Variants in CSMD1 observed in about 807,000 individuals in gnomAD.
CSMD1 encodes the protein CUB and Sushi multiple domains 1.
In CSMD1, 213 loss-of-function variants were observed where a neutral mutation model predicts 417.5. The observed-to-expected ratio is 0.51, with a 90% CI of 0.46 to 0.57. The LOEUF (loss-of-function observed/expected upper bound fraction) is 0.57, where lower values mean the gene tolerates loss of function less well. CSMD1 is among the 20% of genes least tolerant of loss of function. CSMD1 has a pLI of 0.00. For synonymous variants in CSMD1, 2,862 were observed against 1,736.8 expected, an observed-to-expected ratio of 1.65 and a Z score of -16.11; for missense variants, 6,923 against 4,529.7, an observed-to-expected ratio of 1.53 and a Z score of -15.17.
At chr8:4,367,157 C>A (rs1314587604) in intron 3 of CSMD1, among the ~76,000 whole-genome samples, 1 of 152,098 alleles carries the variant, frequency 6.6e-6, no homozygotes, top group East Asian at 1.9e-4. Flanking sequence ...AGGTTGTTTT[C>A]TATGATTTTA....
Position 3,119,017 on chromosome 8 carries a change from A to G in CSMD1, c.6242-430T>C, listed in dbSNP as rs10102221. On this transcript the variant is annotated intron_variant, in intron 41 of 69. Coordinates refer to ENST00000635120, the MANE Select transcript of CSMD1 (RefSeq NM_033225.6). ...AACACAGTAAAATCCTGTCTCTACT[A>G]AAAATACAAAAAGTTAGCCTGGCGT... Among the ~76,000 whole-genome samples, 1,026 of 152,216 alleles carry G rather than the reference A, an allele frequency of 6.7e-3. 14 individuals are homozygous for G. Among genetic ancestry groups the G allele is most frequent in the African/African-American group, 0.023 (966 of 41,544 alleles).
intron 54 of CSMD1, among the ~76,000 whole-genome samples, chr8:2,997,681 T>G (rs532500597): frequency 3.3e-5 from 5 of 152,204 alleles, no homozygotes; most frequent in African/African-American, 1.2e-4. Context: ...AAGACAGTCA[T>G]AAAATTAGAA....
At chr8:4,548,044 A>C (rs765212489) in intron 2 of CSMD1, among the ~76,000 whole-genome samples, 2 of 152,148 alleles carry the variant, frequency 1.3e-5, no homozygotes, top group Non-Finnish European at 2.9e-5. Flanking sequence ...GTTACAGCCA[A>C]CCCTTGCAAT....
chr8:4,576,979 A>T (rs958957611), intron 2 of CSMD1, among the ~76,000 whole-genome samples: 1 of 152,312 alleles, frequency 6.6e-6, no homozygotes, highest in Admixed American at 6.5e-5. Context: ...AATTCGATGA[A>T]CACAGTGTGA....
At chr8:3,303,017 G>C (rs2117352978) in intron 25 of CSMD1, among the ~76,000 whole-genome samples, 1 of 152,286 alleles carries the variant, frequency 6.6e-6, no homozygotes, top group South Asian at 2.1e-4. Flanking sequence ...ATAGGCATAG[G>C]GAAAAACTGT....
intron 5 of CSMD1, among the ~76,000 whole-genome samples, chr8:3,805,214 T>C (rs1344566415): frequency 6.6e-6 from 1 of 152,068 alleles, no homozygotes; most frequent in African/African-American, 2.4e-5. Context: ...AAGGAGTCAG[T>C]TTCCTGCGGG....
chr8:3,670,262 T>A (rs1048223978), intron 7 of CSMD1, among the ~76,000 whole-genome samples: 1 of 151,964 alleles, frequency 6.6e-6, no homozygotes, highest in Non-Finnish European at 1.5e-5. Flanking sequence ...AAGGTCAGAC[T>A]GGCCTAGCCT....
At chr8:3,741,886 T>C (rs963195879) in intron 6 of CSMD1, among the ~76,000 whole-genome samples, 2 of 152,160 alleles carry the variant, frequency 1.3e-5, no homozygotes, top group African/African-American at 4.8e-5. Flanking sequence ...TCCAATTCCT[T>C]ACCATGTGAG....
At chr8:3,554,596 C>T (rs1304308512) in intron 10 of CSMD1, among the ~76,000 whole-genome samples, 1 of 152,220 alleles carries the variant, frequency 6.6e-6, no homozygotes. Context: ...CAAGGCACAG[C>T]ATGGCCAGGC....
chr8:4,164,615 T>C (rs144651733), intron 3 of CSMD1, among the ~76,000 whole-genome samples: 44 of 152,316 alleles, frequency 2.9e-4, no homozygotes, highest in African/African-American at 9.1e-4. Context: ...AGGTACCTTA[T>C]TGGTTTACAT....
chr8:3,591,781 A>G (rs1450872567), intron 8 of CSMD1, among the ~76,000 whole-genome samples: 1 of 149,808 alleles, frequency 6.7e-6, no homozygotes, highest in Non-Finnish European at 1.5e-5. Context: ...AGATGGATGG[A>G]TGGATAGATG....
At chr8:3,652,349 C>T (rs1797899347) in intron 7 of CSMD1, among the ~76,000 whole-genome samples, 1 of 152,168 alleles carries the variant, frequency 6.6e-6, no homozygotes, top group Non-Finnish European at 1.5e-5. Flanking sequence ...GTGCTTACCA[C>T]CATCAGCATG....
chr8:4,203,533 T>C (rs376710555), intron 3 of CSMD1, among the ~76,000 whole-genome samples: 1 of 152,140 alleles, frequency 6.6e-6, no homozygotes, highest in African/African-American at 2.4e-5. Flanking sequence ...CCAAGTACCT[T>C]CTGTTATTAA....
At chr8:4,662,837 G>A (rs187328494) in intron 1 of CSMD1, among the ~76,000 whole-genome samples, 3 of 152,268 alleles carry the variant, frequency 2.0e-5, no homozygotes, top group African/African-American at 7.2e-5. Flanking sequence ...AAACATTGTG[G>A]CAGGACACTT....
intron 12 of CSMD1, among the ~76,000 whole-genome samples, chr8:3,457,260 C>G (rs1816211098): frequency 6.6e-6 from 1 of 152,068 alleles, no homozygotes; most frequent in South Asian, 2.1e-4. Context: ...GAACCTGTTT[C>G]CCTTGCCCTG....
chr8:4,525,514 G>C (rs1379122008), intron 2 of CSMD1, among the ~76,000 whole-genome samples: 2 of 152,122 alleles, frequency 1.3e-5, no homozygotes, highest in Non-Finnish European at 2.9e-5. Context: ...CATTCCTCTA[G>C]TAAAACAGTA....
intron 1 of CSMD1, among the ~76,000 whole-genome samples, chr8:4,779,193 T>C (rs4369008): frequency 0.093 from 14,165 of 152,170 alleles, 875 homozygotes; most frequent in East Asian, 0.33. Flanking sequence ...GGCAAACATA[T>C]GCTAACTGGT....
At chr8:3,972,184 G>A (rs1051990365) in intron 5 of CSMD1, among the ~76,000 whole-genome samples, 8 of 151,810 alleles carry the variant, frequency 5.3e-5, no homozygotes, top group African/African-American at 1.9e-4. Context: ...TAAGACCATA[G>A]ATGTGATTTC....
intron 5 of CSMD1, among the ~76,000 whole-genome samples, chr8:3,836,837 T>C (rs552282579): frequency 6.6e-6 from 1 of 152,308 alleles, no homozygotes; most frequent in Non-Finnish European, 1.5e-5. Flanking sequence ...CAATTAAATA[T>C]GTTAATATTT....
Sources: gnomAD v4.1 joint callset for allele counts (sites outside exome capture counted in the v4.1 genomes callset) on GRCh38, gnomAD v4.1.1 for gene constraint, MANE v1.5 for transcripts, NCBI Gene and HGNC (gene_info 2026-07-23, HGNC 2026-07-21) for gene names.